The following JAK1 variants were observed in gnomAD, a reference collection of about 807,000 sequenced individuals.
JAK1 encodes the protein tyrosine-protein kinase JAK1.
In JAK1, 16 loss-of-function variants were observed where a neutral mutation model predicts 136.6. The ratio of observed to expected loss-of-function variants is 0.12; its 90% CI spans 0.08 to 0.18. The LOEUF (loss-of-function observed/expected upper bound fraction) is 0.18, where lower values mean the gene tolerates loss of function less well. Ranked by LOEUF, JAK1 falls within the 10% of genes least tolerant of loss-of-function variation. The pLI is 1.00. For synonymous variants in JAK1, 492 were observed against 519.5 expected (o/e 0.95, Z 0.72); for missense variants, 859 against 1,450.1 (o/e 0.59, Z 6.62).
chr1:64,984,672 G>C lies in JAK1; in HGVS notation c.-78+59808C>G. 1 of 583,780 alleles carries C rather than the reference G, an allele frequency of 1.7e-6. No homozygotes were observed. Among genetic ancestry groups the C allele is most frequent in the Admixed American group, 2.5e-5 (1 of 39,484 alleles). 36.2% of individuals were successfully genotyped at this position (583,780 alleles called of 1,614,324 possible). A position where few individuals can be genotyped will look rare whatever the true frequency, so the allele number is the denominator to read the frequency against. ...TCATCTCCATGACACAGTCCTTCCA[G>C]ATCTATTTGCATCGTGTGCCTGCCC... On this transcript the variant is annotated intron_variant, in intron 2 of 25. Coordinates refer to the JAK1 transcript ENST00000671954. This position sits in a 1 kb window ranked among gnomAD's most constrained non-coding sequence, Gnocchi z 4.1.
chr1:64,835,086 C>CA (rs56114634), intron 24 of JAK1, among the ~76,000 whole-genome samples: 23,028 of 152,158 alleles, frequency 0.15, 1,865 homozygotes, highest in East Asian at 0.32. Context: ...AACTTACACA[C>CA]AAAAAATGCA....
intron 1 of JAK1, among the ~76,000 whole-genome samples, chr1:65,049,372 T>C (rs1467757921): frequency 2.0e-5 from 3 of 152,140 alleles, no homozygotes; most frequent in Admixed American, 6.5e-5. Flanking sequence ...CAGTGAGCCA[T>C]GATCGTGGCC....
At chr1:64,850,226 C>G (rs1171851327) in intron 12 of JAK1, among the ~76,000 whole-genome samples, 1 of 152,210 alleles carries the variant, frequency 6.6e-6, no homozygotes, top group African/African-American at 2.4e-5. Flanking sequence ...CTCACACCAC[C>G]AGCAACAGCT....
At chr1:64,907,372 C>T (rs926481471) in intron 1 of JAK1, among the ~76,000 whole-genome samples, 1 of 152,176 alleles carries the variant, frequency 6.6e-6, no homozygotes, top group African/African-American at 2.4e-5. Context: ...AACTTCTGGG[C>T]TTTTCTCAGA....
chr1:64,846,417 T>TG (rs10708049), intron 14 of JAK1, among the ~76,000 whole-genome samples: 1 of 151,846 alleles, frequency 6.6e-6, no homozygotes, highest in Middle Eastern at 3.2e-3. Context: ...GTAGGGTTCT[T>TG]GGCCAGCGTT....
chr1:64,970,671 C>T (rs896766230), upstream of JAK1, among the ~76,000 whole-genome samples: 3 of 150,356 alleles, frequency 2.0e-5, no homozygotes, highest in East Asian at 4.0e-4. Context: ...GGCTGAGGCA[C>T]GAGAACCGCT....
At chr1:64,982,104 A>ACACACACACG (rs771677454) in intron 2 of JAK1, among the ~76,000 whole-genome samples, 6 of 146,706 alleles carry the variant, frequency 4.1e-5, no homozygotes, top group Non-Finnish European at 7.4e-5. Context: ...ACACACACGC[A>ACACACACACG]CACACACACG....
chr1:65,048,091 A>T (rs970532317), intron 1 of JAK1, among the ~76,000 whole-genome samples: 1 of 152,182 alleles, frequency 6.6e-6, no homozygotes. Context: ...GTAGATCCTG[A>T]TGTTGTTTGC....
intron 2 of JAK1, among the ~76,000 whole-genome samples, chr1:64,971,767 C>T (rs113872807): frequency 0.023 from 3,538 of 152,264 alleles, 157 homozygotes; most frequent in African/African-American, 0.081. Flanking sequence ...CTATGTTGGC[C>T]AGGCTGGTCT....
In JAK1 at chr1:64,928,788, A is replaced by AAAAAACC. The variant is rs1553170007; in HGVS notation, c.-78+37544_-78+37545insGGTTTTT. Among the ~76,000 whole-genome samples the AAAAAACC allele has an allele frequency of 6.6e-5, 6 of 90,640 alleles. No homozygotes were observed. In the East Asian group the frequency reaches 3.6e-3, roughly 55 times the overall value. The allele number at this position is 90,640 out of a possible 152,430, so 59.5% of individuals were successfully genotyped here. On this transcript the variant is annotated intron_variant, in intron 1 of 24. Coordinates refer to ENST00000342505, the MANE Select transcript of JAK1 (RefSeq NM_002227.4). ...TGCTATAAAACTCTGCAAAAAAAAA[A>AAAAAACC]AAAAAAAACAAAAAAAAAAAACTCT... is the stretch of plus-strand genomic sequence containing the variant.
At chr1:64,952,667 C>A (rs1646112635) in intron 1 of JAK1, among the ~76,000 whole-genome samples, 1 of 152,112 alleles carries the variant, frequency 6.6e-6, no homozygotes, top group East Asian at 1.9e-4. Flanking sequence ...AACACGGGAC[C>A]AAAGACAGAA....
chr1:64,844,809 G>A lies in JAK1; in HGVS notation c.2196C>T (p.Gly732=). The A allele has an allele frequency of 1.2e-6, 2 of 1,614,160 alleles. No homozygotes were observed. Among genetic ancestry groups the A allele is most frequent in the Non-Finnish European group, 8.5e-7 (1 of 1,180,016 alleles). Residue 732 remains glycine, a synonymous_variant, in exon 16 of 25, where the codon GGC becomes GGT. Transcript: ENST00000342505. This position sits in a 1 kb window ranked among gnomAD's most constrained non-coding sequence, Gnocchi z 5.7. ...LAREGIDSEC[G]PFIKLSDPGI... The stretch of plus-strand genomic sequence containing the variant: ...CGGGGTCACTGAGCTTGATGAATGG[G>A]CCACACTCACTGTCGATGCCCTCAC...
chr1:65,004,075 G>A (rs895033368), intron 2 of JAK1: 7 of 152,220 alleles, frequency 4.6e-5, no homozygotes, highest in Non-Finnish European at 7.3e-5. Flanking sequence ...CCGAGTAGCT[G>A]GGATTACAAG....
intron 1 of JAK1, among the ~76,000 whole-genome samples, chr1:64,944,214 T>G (rs1423556639): frequency 8.1e-6 from 1 of 122,790 alleles, no homozygotes; most frequent in African/African-American, 3.4e-5. Context: ...AGTGCAAGAC[T>G]CTGTCTCAAA....
At chr1:65,023,102 G>A (rs1028698810) in intron 2 of JAK1, 1 of 151,870 alleles carries the variant, frequency 6.6e-6, no homozygotes, top group Non-Finnish European at 1.5e-5. Flanking sequence ...TCGGTTCAAT[G>A]ACTTTTTTTT....
rs772353200 is a variant in JAK1, at chr1:64,873,424, A to C, written c.429T>G (p.Ile143Met). ...KQKNGYEKKKIPDATPLLDAS... is the reference protein window; with the variant it reads ...KQKNGYEKKKMPDATPLLDAS... The stretch of plus-strand genomic sequence containing the variant: ...CATCAAGGAGAGGGGTTGCATCTGG[A>C]ATCTTTTTTTTCTCGTAGCCATTTT... Residue 143 changes from isoleucine (I) to methionine (M), a missense_variant, in exon 5 of 25, where the codon ATT becomes ATG. Ile to Met is a conservative substitution (Grantham distance 10). Transcript: ENST00000342505. The C allele has an allele frequency of 3.1e-6, 5 of 1,614,030 alleles. No individual in the cohort carries two copies. The South Asian group carries it at 4.4e-5, about 14-fold the overall frequency.
intron 17 of JAK1, among the ~76,000 whole-genome samples, chr1:64,843,371 TACCCCTTTGGAGTTAGA>T (rs1383443819): frequency 6.6e-6 from 1 of 152,202 alleles, no homozygotes; most frequent in Non-Finnish European, 1.5e-5. Context: ...TTTACTACTT[TACCCCTTTGGAGTTAGA>T]GTCTCCACTT....
chr1:64,882,083 T>C (rs1036349870), intron 3 of JAK1, among the ~76,000 whole-genome samples: 9 of 152,204 alleles, frequency 5.9e-5, no homozygotes, highest in African/African-American at 2.2e-4. Context: ...TATTACTGGA[T>C]TTTTCCCACT....
intron 10 of JAK1, among the ~76,000 whole-genome samples, chr1:64,857,081 C>T (rs1655986686): frequency 6.6e-6 from 1 of 152,168 alleles, no homozygotes; most frequent in African/African-American, 2.4e-5. Flanking sequence ...AATATCTTAG[C>T]CCTCAGAATG....
Sources: allele counts gnomAD v4.1 joint callset (sites outside exome capture counted in the v4.1 genomes callset), GRCh38; gene constraint gnomAD v4.1.1; non-coding constraint Gnocchi (gnomAD v3.1); transcripts MANE v1.5; gene names NCBI Gene and HGNC (gene_info 2026-07-23, HGNC 2026-07-21).